GRM5: variants seen among roughly 807,000 people sequenced by gnomAD.
The protein encoded by GRM5 is metabotropic glutamate receptor 5.
GRM5 carries 19 observed loss-of-function variants against 83.1 expected under a neutral mutation model. The ratio of observed to expected loss-of-function variants is 0.23; its 90% confidence interval spans 0.16 to 0.34. The LOEUF (loss-of-function observed/expected upper bound fraction) is 0.34. Ranked by LOEUF, GRM5 falls within the 10% of genes least tolerant of loss-of-function variation. GRM5 has a pLI of 1.00. For synonymous variants in GRM5, 675 were observed against 633.6 expected (o/e 1.07, Z -0.98); for missense variants, 1,160 against 1,588.3 (o/e 0.73, Z 4.58).
chr11:88,626,487 C>A (rs1403606077), intron 4 of GRM5, among the ~76,000 whole-genome samples: 2 of 152,050 alleles, frequency 1.3e-5, no homozygotes, highest in Admixed American at 1.3e-4. Context: ...TGGTTGAATT[C>A]TTTCTTAGAT....
chr11:88,728,614 G>A (rs1941736979), intron 3 of GRM5, among the ~76,000 whole-genome samples: 1 of 151,986 alleles, frequency 6.6e-6, no homozygotes, highest in African/African-American at 2.4e-5. Flanking sequence ...ACATCAACAT[G>A]AAAATCCTCA....
At chr11:88,816,647 AAG>A (rs1377619042) in intron 3 of GRM5, among the ~76,000 whole-genome samples, 1 of 151,608 alleles carries the variant, frequency 6.6e-6, no homozygotes, top group East Asian at 1.9e-4. Flanking sequence ...AAATCAATGA[AAG>A]AGAACACAGA....
chr11:88,868,112 C>A (rs1944702798), intron 2 of GRM5, among the ~76,000 whole-genome samples: 1 of 151,872 alleles, frequency 6.6e-6, no homozygotes, highest in East Asian at 1.9e-4. Flanking sequence ...GCTTCAGTTT[C>A]TTTAATCATA....
At chr11:88,538,977 C>T (rs1942201428) in intron 8 of GRM5, among the ~76,000 whole-genome samples, 1 of 152,170 alleles carries the variant, frequency 6.6e-6, no homozygotes, top group Admixed American at 6.5e-5. Context: ...TTTTTCAAAC[C>T]TTATCATTTT....
At chr11:88,880,444 G>C (rs565481409) in intron 2 of GRM5, among the ~76,000 whole-genome samples, 5 of 152,064 alleles carry the variant, frequency 3.3e-5, no homozygotes, top group African/African-American at 1.2e-4. Flanking sequence ...TTGTGAATAG[G>C]ACCCCAAATT....
At chr11:89,002,231 A>T (rs1344481938) in intron 2 of GRM5, among the ~76,000 whole-genome samples, 1 of 152,168 alleles carries the variant, frequency 6.6e-6, no homozygotes, top group East Asian at 1.9e-4. Flanking sequence ...ATTCCAGAGG[A>T]TTATGCTTTA....
chr11:88,850,956 A>T (rs1311748463), intron 2 of GRM5, among the ~76,000 whole-genome samples: 2 of 152,188 alleles, frequency 1.3e-5, no homozygotes, highest in African/African-American at 2.4e-5. Flanking sequence ...TAGCACTCAC[A>T]ATAAAATATT....
chr11:88,714,671 C>T (rs954605518), intron 3 of GRM5, among the ~76,000 whole-genome samples: 8 of 151,772 alleles, frequency 5.3e-5, no homozygotes, highest in African/African-American at 1.5e-4. Flanking sequence ...TTCATAAAGC[C>T]CTTAAACACA....
intron 9 of GRM5, 97 bp downstream of exon 9, chr11:88,525,212 G>A (rs1459744114): frequency 1.3e-6 from 1 of 753,268 alleles, no homozygotes; most frequent in East Asian, 2.5e-5. Flanking sequence ...TGTATGAGTT[G>A]CACAGTTGAG....
At chr11:88,804,040 G>A (rs1032963737) in intron 3 of GRM5, among the ~76,000 whole-genome samples, 3 of 151,908 alleles carry the variant, frequency 2.0e-5, no homozygotes, top group Non-Finnish European at 4.4e-5. Context: ...GAAACAACAG[G>A]TGCTGGAGAG....
intron 3 of GRM5, among the ~76,000 whole-genome samples, chr11:88,822,836 T>C (rs1164583531): frequency 6.6e-6 from 1 of 151,156 alleles, no homozygotes; most frequent in African/African-American, 2.4e-5. Context: ...TGTCGCCCAA[T>C]TTCTCTCTGG....
At chr11:88,796,088 C>T (rs1943269042) in intron 3 of GRM5, among the ~76,000 whole-genome samples, 1 of 152,108 alleles carries the variant, frequency 6.6e-6, no homozygotes, top group Non-Finnish European at 1.5e-5. Context: ...CTAGCATAAA[C>T]ACTATTACTG....
At chr11:88,744,958 A>T (rs1942102719) in intron 3 of GRM5, among the ~76,000 whole-genome samples, 1 of 152,188 alleles carries the variant, frequency 6.6e-6, no homozygotes, top group Non-Finnish European at 1.5e-5. Context: ...GATGACTGAC[A>T]TTGATTGAAG....
rs386374432 is a variant in GRM5, at chr11:88,909,468, C to CTTT, written c.662-59316_662-59314dup. Among the ~76,000 whole-genome samples the CTTT allele has an allele frequency of 1.3e-4, 18 of 138,480 alleles. No homozygotes were observed. The East Asian group carries it at 3.0e-3, about 23-fold the overall frequency. The allele number at this position is 138,480 out of a possible 152,430, so 90.8% of individuals were successfully genotyped here. On this transcript the variant is annotated intron_variant, in intron 2 of 9. Coordinates refer to ENST00000305447, the MANE Select transcript of GRM5 (RefSeq NM_001143831.3). ...CCTTTTTTTTCTGAATTTTTGTCTA[C>CTTT]TTTTTTTTTTTTCACTCTGAATCTC...
intron 2 of GRM5, among the ~76,000 whole-genome samples, chr11:88,935,896 AAC>A (rs1937877014): frequency 6.6e-6 from 1 of 151,954 alleles, no homozygotes; most frequent in South Asian, 2.1e-4. Flanking sequence ...TATTTGGGGT[AAC>A]ACTAATTAAA....
chr11:88,990,950 C>T (rs1235993665), intron 2 of GRM5, among the ~76,000 whole-genome samples: 2 of 152,128 alleles, frequency 1.3e-5, no homozygotes, highest in Non-Finnish European at 2.9e-5. Context: ...TGAAAACTGG[C>T]ACAAGACAGA....
chr11:88,702,573 C>A (rs1208049709), intron 3 of GRM5, among the ~76,000 whole-genome samples: 4 of 152,014 alleles, frequency 2.6e-5, no homozygotes, highest in African/African-American at 9.7e-5. Flanking sequence ...ATTTTAGGGC[C>A]ATTTCATATG....
At chr11:88,995,289 G>A (rs1940144653) in intron 2 of GRM5, among the ~76,000 whole-genome samples, 1 of 152,058 alleles carries the variant, frequency 6.6e-6, no homozygotes, top group South Asian at 2.1e-4. Context: ...GAGCATGCCT[G>A]TAATCCCAGC....
rs537181883 is a variant in GRM5, at chr11:88,774,940, C to T, written c.911+74966G>A. 1.2e-4 allele frequency among the ~76,000 whole-genome samples: 19 copies of T among 152,290 alleles called. No individual in the cohort carries two copies. The East Asian group carries it at 3.5e-3, about 28-fold the overall frequency. On this transcript the variant is annotated intron_variant, in intron 3 of 9. Transcript: ENST00000305447. ...TTGTGTCTCTGCCAGGCTTTGGTAT[C>T]AGGATGATGCTGGCCTCATAAAATG...
Sources: gnomAD v4.1 joint callset for allele counts (sites outside exome capture counted in the v4.1 genomes callset) on GRCh38, gnomAD v4.1.1 for gene constraint, MANE v1.5 for transcripts, NCBI Gene and HGNC (gene_info 2026-07-23, HGNC 2026-07-21) for gene names.